Variants in KIAA1217 observed in about 807,000 individuals in gnomAD.
The protein encoded by KIAA1217 is sickle tail protein homolog.
KIAA1217 carries 88 observed loss-of-function variants against 163.9 expected under a neutral mutation model. The observed-to-expected ratio is 0.54, with a 90% CI of 0.45 to 0.64. The LOEUF is 0.64. KIAA1217 is among the 30% of genes least tolerant of loss of function. The pLI is 0.00. For missense variants in KIAA1217, 2,372 were observed against 2,475.0 expected (o/e 0.96, Z 0.88); for synonymous variants, 903 against 923.1 (o/e 0.98, Z 0.39).
intron 2 of KIAA1217, among the ~76,000 whole-genome samples, chr10:24,301,148 A>G (rs1383642520): frequency 6.6e-6 from 1 of 152,144 alleles, no homozygotes; most frequent in Non-Finnish European, 1.5e-5. Flanking sequence ...TGAGCCCGGC[A>G]ATCTCAGACA....
chr10:24,430,489 T>A (rs2059516557), intron 3 of KIAA1217, among the ~76,000 whole-genome samples: 1 of 152,202 alleles, frequency 6.6e-6, no homozygotes. Flanking sequence ...TTTGGGATGA[T>A]TCAAACGCAT....
At chr10:23,735,601 C>G (rs1838748285) in intron 1 of KIAA1217, among the ~76,000 whole-genome samples, 1 of 151,560 alleles carries the variant, frequency 6.6e-6, no homozygotes, top group African/African-American at 2.4e-5. Context: ...TGTGAAATGC[C>G]TTTTTGTGTC....
intron 2 of KIAA1217, among the ~76,000 whole-genome samples, chr10:24,341,077 G>A (rs2047034933): frequency 6.6e-6 from 1 of 152,172 alleles, no homozygotes; most frequent in South Asian, 2.1e-4. Flanking sequence ...AGGCTGCCAA[G>A]TCCATATGGA....
intron 2 of KIAA1217, among the ~76,000 whole-genome samples, chr10:24,090,104 C>A (rs73604451): frequency 6.6e-6 from 1 of 150,810 alleles, no homozygotes; most frequent in African/African-American, 2.5e-5. Context: ...AGATCCTGCT[C>A]AGTTGCTGGA....
intron 1 of KIAA1217, among the ~76,000 whole-genome samples, chr10:23,810,333 CACTA>C (rs1254498301): frequency 7.0e-6 from 1 of 143,614 alleles, no homozygotes; most frequent in Non-Finnish European, 1.5e-5. Context: ...TATATACACA[CACTA>C]TATATACTAT....
At chr10:24,326,607 T>A (rs1299578421) in intron 2 of KIAA1217, among the ~76,000 whole-genome samples, 1 of 152,212 alleles carries the variant, frequency 6.6e-6, no homozygotes, top group East Asian at 1.9e-4. Flanking sequence ...TGTTATTAAA[T>A]GTCATGCTTT....
At chr10:24,341,336 C>T (rs2047073321) in intron 2 of KIAA1217, among the ~76,000 whole-genome samples, 1 of 151,616 alleles carries the variant, frequency 6.6e-6, no homozygotes, top group African/African-American at 2.4e-5. Flanking sequence ...ATCAGTAGGT[C>T]AGTTGGAAGA....
At position 24,062,637 on chromosome 10, in the gene KIAA1217, C is replaced by G. The variant is rs537936594; in HGVS notation, c.-171+55263C>G. Among the ~76,000 whole-genome samples the G allele has an allele frequency of 5.3e-5, 8 of 151,986 alleles. No homozygotes were observed. The East Asian group carries it at 1.6e-3, about 29-fold the overall frequency. The stretch of plus-strand genomic sequence containing the variant: ...TCTTTATAGCAGCATGATTTATAAG[C>G]CTTTGGGTATATACCCAGTAATGGG... On this transcript the variant is annotated intron_variant, in intron 2 of 18. Coordinates refer to the KIAA1217 transcript ENST00000376462.
At chr10:23,799,701 A>G (rs1836379680) in intron 1 of KIAA1217, among the ~76,000 whole-genome samples, 1 of 152,098 alleles carries the variant, frequency 6.6e-6, no homozygotes, top group Non-Finnish European at 1.5e-5. Flanking sequence ...ACCAAGACTC[A>G]CTCTTGTACA....
chr10:24,470,598 G>T (rs545265055), intron 5 of KIAA1217, among the ~76,000 whole-genome samples: 5 of 152,248 alleles, frequency 3.3e-5, no homozygotes, highest in South Asian at 4.1e-4. Flanking sequence ...TATCATAATG[G>T]GAGCTCTGTG....
intron 2 of KIAA1217, among the ~76,000 whole-genome samples, chr10:24,375,596 A>C (rs1316052041): frequency 1.3e-5 from 2 of 152,252 alleles, no homozygotes; most frequent in African/African-American, 2.4e-5. Flanking sequence ...AAAGTTTCAC[A>C]AGTGAAAGAA....
intron 1 of KIAA1217, among the ~76,000 whole-genome samples, chr10:23,747,102 T>A (rs988912151): frequency 6.6e-6 from 1 of 152,174 alleles, no homozygotes; most frequent in Non-Finnish European, 1.5e-5. Context: ...CTATCTCATT[T>A]GATAAAGCAC....
rs530884998 is a variant in KIAA1217, at chr10:24,463,134, GA to G, written c.847-10092del. 3.8e-3 allele frequency among the ~76,000 whole-genome samples: 576 copies of G among 152,310 alleles called. 3 individuals are homozygous for G. The highest frequency in any genetic ancestry group is 0.013 in the African/African-American group (553 of 41,572). ...TGGGGAACATGGGAGTAGCCCAGCA[GA>G]AGATTGAGTGTCAGTGAGAAGGACA... On this transcript the variant is annotated intron_variant, in intron 5 of 20. Coordinates refer to ENST00000376454, the MANE Select transcript of KIAA1217 (RefSeq NM_019590.5).
chr10:24,470,674 A>G (rs921889856), intron 5 of KIAA1217, among the ~76,000 whole-genome samples: 1 of 152,188 alleles, frequency 6.6e-6, no homozygotes, highest in African/African-American at 2.4e-5. Flanking sequence ...AGGAGCCTGC[A>G]TACTCCAGGG....
At chr10:24,051,754 T>C (rs955210526) in intron 2 of KIAA1217, among the ~76,000 whole-genome samples, 4 of 152,222 alleles carry the variant, frequency 2.6e-5, no homozygotes, top group African/African-American at 9.6e-5. Context: ...ATATCTTCTT[T>C]TGAGAATTGT....
At chr10:24,312,511 C>T (rs940288895) in intron 2 of KIAA1217, among the ~76,000 whole-genome samples, 5 of 152,016 alleles carry the variant, frequency 3.3e-5, no homozygotes, top group East Asian at 1.9e-4. Flanking sequence ...CCCAGCTGCT[C>T]GGGAGGCTGA....
At chr10:23,845,397 A>C (rs1018496738) in intron 1 of KIAA1217, among the ~76,000 whole-genome samples, 1 of 152,010 alleles carries the variant, frequency 6.6e-6, no homozygotes, top group Non-Finnish European at 1.5e-5. Context: ...CTTTAGCATC[A>C]GTTGTTTCCT....
At chr10:24,440,725 CTCAA>C (rs2060430658) in intron 5 of KIAA1217, among the ~76,000 whole-genome samples, 1 of 152,178 alleles carries the variant, frequency 6.6e-6, no homozygotes, top group South Asian at 2.1e-4. Context: ...GTGTGAGAAA[CTCAA>C]TCATTGTCCC....
chr10:23,909,581 A>G (rs893203450), intron 1 of KIAA1217, among the ~76,000 whole-genome samples: 1 of 152,150 alleles, frequency 6.6e-6, no homozygotes, highest in Non-Finnish European at 1.5e-5. Flanking sequence ...TAAGGGAATG[A>G]TGGTTTCCAG....
Sources: allele counts gnomAD v4.1 joint callset (sites outside exome capture counted in the v4.1 genomes callset), GRCh38; gene constraint gnomAD v4.1.1; transcripts MANE v1.5; gene names NCBI Gene and HGNC (gene_info 2026-07-23, HGNC 2026-07-21).